Variants in DMD observed in about 807,000 individuals in gnomAD.
The protein encoded by DMD is dystrophin.
Under a neutral mutation model 330.1 loss-of-function variants are expected in DMD, and 63 were observed. The ratio of observed to expected loss-of-function variants is 0.19; its 90% CI spans 0.16 to 0.24. DMD has a LOEUF of 0.24. Ranked by LOEUF, DMD falls within the 10% of genes least tolerant of loss-of-function variation. The pLI is 1.00. For synonymous variants in DMD, 1,223 were observed against 959.8 expected (o/e 1.27, Z -5.07); for missense variants, 3,344 against 2,684.1 (o/e 1.25, Z -5.43).
At chrX:31,581,785 T>C (rs1394243422) in intron 55 of DMD, among the ~76,000 whole-genome samples, 1 of 112,055 alleles carries the variant, frequency 8.9e-6, no homozygotes, top group African/African-American at 3.2e-5. Flanking sequence ...GAGGGATGGA[T>C]AGATGAATAT....
At chrX:33,184,610 AAAT>A in intron 1 of DMD, among the ~76,000 whole-genome samples, 1 of 111,660 alleles carries the variant, frequency 9.0e-6, no homozygotes, top group African/African-American at 3.3e-5. Context: ...ATAATAAATA[AAAT>A]AATAGTGGAA....
intron 2 of DMD, among the ~76,000 whole-genome samples, chrX:33,019,903 A>G (rs2093880924): frequency 9.0e-6 from 1 of 111,471 alleles, no homozygotes; most frequent in African/African-American, 3.3e-5. Flanking sequence ...AGAAACTCAC[A>G]TTGTCAAGAA....
intron 60 of DMD, among the ~76,000 whole-genome samples, chrX:31,390,374 T>C (rs1266787471): frequency 9.1e-6 from 1 of 110,391 alleles, no homozygotes; most frequent in African/African-American, 3.3e-5. Context: ...TTTGTATCAA[T>C]ATTTTTCTCA....
At chrX:32,052,076 T>C (rs1453153819) in intron 44 of DMD, among the ~76,000 whole-genome samples, 9 of 112,230 alleles carry the variant, frequency 8.0e-5, no homozygotes, top group Non-Finnish European at 1.5e-4. Flanking sequence ...GCAAGTGCAG[T>C]ATAAAAGTAT....
intron 60 of DMD, among the ~76,000 whole-genome samples, chrX:31,428,673 C>T (rs1241547286): frequency 2.7e-5 from 3 of 111,981 alleles, no homozygotes; most frequent in Non-Finnish European, 5.6e-5. Flanking sequence ...ATACTCACAA[C>T]GTAGCTACTG....
intron 2 of DMD, among the ~76,000 whole-genome samples, chrX:32,954,797 A>T (rs1255070127): frequency 9.0e-6 from 1 of 110,523 alleles, no homozygotes; most frequent in African/African-American, 3.3e-5. Context: ...ACAGTATTTG[A>T]TTTTCTGTTA....
At chrX:31,371,887 C>T (rs967585567) in intron 60 of DMD, among the ~76,000 whole-genome samples, 4 of 112,296 alleles carry the variant, frequency 3.6e-5, no homozygotes, top group African/African-American at 6.5e-5. Flanking sequence ...GTGACTACCT[C>T]GTTTCTCAAC....
At chrX:32,075,237 G>C (rs111789824) in intron 44 of DMD, among the ~76,000 whole-genome samples, 3,184 of 112,026 alleles carry the variant, frequency 0.028, 53 homozygotes, top group Middle Eastern at 0.051. Context: ...GAAGGAGGGG[G>C]ACCACTTGTA....
chrX:31,998,662 TG>T (rs1381550996), intron 44 of DMD, among the ~76,000 whole-genome samples: 12 of 111,710 alleles, frequency 1.1e-4, no homozygotes, highest in Non-Finnish European at 2.1e-4. Context: ...TAACCTGACC[TG>T]ATTTCCCTAA....
chrX:31,298,434 C>CAT (rs2054369228), intron 62 of DMD, among the ~76,000 whole-genome samples: 1 of 109,618 alleles, frequency 9.1e-6, no homozygotes, highest in African/African-American at 3.3e-5. Flanking sequence ...CACACACATA[C>CAT]ACACACACAC....
rs2097842289 is a variant in DMD at position 32,362,941 on chromosome X, C to T, written c.5172G>A (p.Leu1724=). The T allele has an allele frequency of 8.3e-7, 1 of 1,208,204 alleles. No homozygotes were observed. Among genetic ancestry groups the T allele is most frequent in the African/African-American group, 1.8e-5 (1 of 56,909 alleles). The stretch of plus-strand genomic sequence containing the variant: ...AGTCCACCTTTGGGCGTATGTCATT[C>T]AGTTCTGCCTTTAAACGCTATATTC... The part of the protein sequence containing the change: ...EDVLKRLKAE[L]NDIRPKVDST... The change falls in exon 37 of 79, where the codon CTG becomes CTA. Residue 1724 remains leucine (L), a synonymous_variant. Transcript: ENST00000357033.
intron 4 of DMD, among the ~76,000 whole-genome samples, chrX:32,827,161 CAATT>C (rs1308530117): frequency 9.7e-6 from 1 of 103,549 alleles, no homozygotes. Flanking sequence ...ACAGGAAAAA[CAATT>C]AGGTAGGCAA....
intron 44 of DMD, among the ~76,000 whole-genome samples, chrX:32,161,983 T>C (rs753775877): frequency 9.0e-6 from 1 of 111,314 alleles, no homozygotes; most frequent in Admixed American, 9.6e-5. Context: ...ACCTAGTGAA[T>C]GAGAGGCTTC....
intron 44 of DMD, among the ~76,000 whole-genome samples, chrX:32,139,792 T>TA (rs890009745): frequency 4.5e-5 from 5 of 112,304 alleles, no homozygotes; most frequent in Admixed American, 2.8e-4. Flanking sequence ...TATTTCACAA[T>TA]AAAAAAATCT....
rs779812236 is a variant in DMD at position 31,507,261 on chromosome X, T to A, written c.8390+20A>T. 1.7e-6 allele frequency: 2 copies of A among 1,211,001 alleles called. No individual in the cohort carries two copies. The highest frequency in any genetic ancestry group is 4.3e-5 in the Admixed American group (2 of 46,069). On this transcript the variant is annotated intron_variant, in intron 56 of 78. Transcript: ENST00000357033. The stretch of plus-strand genomic sequence containing the variant: ...CATTTTAATTCATTTGTGGCCTTTT[T>A]GCTCCACATCTTTTCCTACCTAATG...
intron 7 of DMD, among the ~76,000 whole-genome samples, chrX:32,737,746 A>T (rs1290864219): frequency 8.0e-5 from 9 of 111,924 alleles, no homozygotes; most frequent in Non-Finnish European, 1.7e-4. Context: ...AGGTGCAATT[A>T]GGAACTAATG....
chrX:32,925,277 C>T (rs1003280438), intron 2 of DMD, among the ~76,000 whole-genome samples: 13 of 106,447 alleles, frequency 1.2e-4, no homozygotes, highest in African/African-American at 4.4e-4. Context: ...GTGACCACCT[C>T]AGTAGATACT....
At chrX:31,794,652 A>G (rs1433753192) in intron 50 of DMD, among the ~76,000 whole-genome samples, 1 of 111,261 alleles carries the variant, frequency 9.0e-6, no homozygotes. Context: ...AATACACCAA[A>G]TGCTGAATAG....
intron 41 of DMD, among the ~76,000 whole-genome samples, chrX:32,310,966 C>T (rs114124505): frequency 0.15 from 16,462 of 110,424 alleles, 1,134 homozygotes; most frequent in African/African-American, 0.25. Flanking sequence ...CTTGCACCTA[C>T]ACTTTTCTGA....
Sources: allele counts gnomAD v4.1 joint callset (sites outside exome capture counted in the v4.1 genomes callset), GRCh38; gene constraint gnomAD v4.1.1; transcripts MANE v1.5; gene names NCBI Gene and HGNC (gene_info 2026-07-23, HGNC 2026-07-21).